The following EIF3A variants were observed in gnomAD, a reference collection of about 807,000 sequenced individuals.
The protein encoded by EIF3A is EIF3, p180 subunit.
A neutral mutation model predicts 186.6 loss-of-function variants in EIF3A; 21 were observed. The ratio of observed to expected loss-of-function variants is 0.11; its 90% confidence interval spans 0.08 to 0.16. The LOEUF is 0.16. Ranked by LOEUF, EIF3A falls within the 10% of genes least tolerant of loss-of-function variation. The probability of loss-of-function intolerance (pLI) is 1.00; values close to 1 mark genes in which losing one functional copy is unlikely to be tolerated. For synonymous variants in EIF3A, 563 were observed against 584.3 expected (o/e 0.96, Z 0.52); for missense variants, 1,306 against 1,796.3 (o/e 0.73, Z 4.93).
At chr10:119,054,553 TAA>T (rs747524825) in intron 14 of EIF3A, among the ~76,000 whole-genome samples, 31 of 125,582 alleles carry the variant, frequency 2.5e-4, no homozygotes, top group Admixed American at 3.2e-4. Context: ...CGTCTCTAAT[TAA>T]AAAAAAAAAA....
intron 1 of EIF3A, among the ~76,000 whole-genome samples, chr10:119,077,151 T>C (rs1029786920): frequency 2.0e-5 from 3 of 152,162 alleles, no homozygotes; most frequent in African/African-American, 4.8e-5. Flanking sequence ...CATTTTTCAC[T>C]TCCTGAACAG....
In EIF3A at chr10:119,042,387, C is replaced by A; in HGVS notation, c.3133G>T (p.Asp1045Tyr). The A allele has an allele frequency of 2.5e-6, 4 of 1,614,208 alleles. No individual in the cohort carries two copies. The highest frequency in any genetic ancestry group is 3.4e-6 in the Non-Finnish European group (4 of 1,180,038). The change falls in exon 19 of 22, where the codon GAC (aspartate) becomes TAC (tyrosine). Residue 1045 changes from aspartate (D) to tyrosine (Y), a missense_variant. Asp to Tyr is a radical substitution (Grantham distance 160). Transcript: ENST00000369144. This position sits in a 1 kb window ranked among gnomAD's most constrained non-coding sequence, Gnocchi z 7.8. The stretch of plus-strand genomic sequence containing the variant: ...GCGCCTCCTCGCCTCGGCCCCCGGT[C>A]ATCATCCATCCCACGTCTTGGTCCT... The part of the protein sequence containing the change: ...DRGPRRGMDD[D>Y]RGPRRGGADD...
intron 7 of EIF3A, among the ~76,000 whole-genome samples, chr10:119,061,878 C>G (rs1045616519): frequency 6.6e-6 from 1 of 152,076 alleles, no homozygotes. Flanking sequence ...TTCAATTTTA[C>G]CATGGAATAT....
chr10:119,038,733 G>T (rs1376378327), intron 19 of EIF3A, among the ~76,000 whole-genome samples: 2 of 152,090 alleles, frequency 1.3e-5, no homozygotes, highest in African/African-American at 4.8e-5. Context: ...AGACCAGCCT[G>T]GCCAACATGG....
intron 17 of EIF3A, among the ~76,000 whole-genome samples, chr10:119,049,410 C>T (rs977652627): frequency 1.3e-5 from 2 of 148,282 alleles, no homozygotes; most frequent in Admixed American, 6.9e-5. Flanking sequence ...ATGGCTTGAA[C>T]CTGGGAGGCA....
At chr10:119,072,808 G>T in intron 4 of EIF3A, 82 bp downstream of exon 4, 3 of 1,479,702 alleles carry the variant, frequency 2.0e-6, no homozygotes, top group South Asian at 1.3e-5. Context: ...ATAAAAACTA[G>T]TTCATTTTAA....
intron 14 of EIF3A, among the ~76,000 whole-genome samples, chr10:119,051,893 A>T (rs141719118): frequency 3.4e-3 from 525 of 152,330 alleles, no homozygotes; most frequent in African/African-American, 0.012. Flanking sequence ...AAAATACTTT[A>T]TTGCTAAAAA....
rs1455360863 is a variant in EIF3A, at chr10:119,042,383, C to T, written c.3137G>A (p.Arg1046Gln). 4 of 1,614,124 alleles carry T rather than the reference C, an allele frequency of 2.5e-6. No homozygotes were observed. Among genetic ancestry groups the T allele is most frequent in the South Asian group, 1.1e-5 (1 of 91,078 alleles). The change falls in exon 19 of 22, where the codon CGG (arginine) becomes CAG (glutamine). Residue 1046 changes from arginine to glutamine, a missense_variant. Physicochemically the swap from Arg to Gln is conservative, Grantham distance 43. Transcript: ENST00000369144. This position sits in a 1 kb window ranked among gnomAD's most constrained non-coding sequence, Gnocchi z 7.8. ...ATCAGCGCCTCCTCGCCTCGGCCCC[C>T]GGTCATCATCCATCCCACGTCTTGG... is the stretch of plus-strand genomic sequence containing the variant. ...RGPRRGMDDD[R>Q]GPRRGGADDE...
intron 6 of EIF3A, among the ~76,000 whole-genome samples, chr10:119,068,308 TTTA>T (rs1453461917): frequency 6.6e-6 from 1 of 152,232 alleles, no homozygotes. Flanking sequence ...TTCATATGTA[TTTA>T]TATGAGAATA....
rs375865596 is a variant in EIF3A, at chr10:119,063,124, G to A, written c.1123-1796C>T. Among the ~76,000 whole-genome samples the A allele has an allele frequency of 1.4e-4, 21 of 152,178 alleles. No homozygotes were observed. The South Asian group carries it at 3.9e-3, about 29-fold the overall frequency. On this transcript the variant is annotated intron_variant, in intron 7 of 21. Transcript: ENST00000369144. Reference sequence around the variant, plus strand: ...CACGTTTCTTCAGCTTTAAAAATTAGAAGCAAATTTTTTATTAGCAAATGT... The same window carrying A: ...CACGTTTCTTCAGCTTTAAAAATTAAAAGCAAATTTTTTATTAGCAAATGT...
intron 21 of EIF3A, among the ~76,000 whole-genome samples, chr10:119,036,829 C>T (rs1276852034): frequency 6.6e-6 from 1 of 152,182 alleles, no homozygotes; most frequent in Non-Finnish European, 1.5e-5. Flanking sequence ...TGTGCTTAAT[C>T]TGCCAGGAAG....
chr10:119,042,754 T>G lies in EIF3A; in HGVS notation c.2766A>C (p.Glu922Asp). ...GPPEKEWRRG[E>D]GRDEDRSHRR... ...TATGAGACCTGTCCTCATCTCGCCCTTCTCCACGTCTCCACTCCCTACACA... is the reference window on the plus strand; with the variant it reads ...TATGAGACCTGTCCTCATCTCGCCCGTCTCCACGTCTCCACTCCCTACACA... Residue 922 changes from glutamate to aspartate, a missense_variant, in exon 19 of 22, where the codon GAA (glutamate) becomes GAC (aspartate). This residue lies in a region of EIF3A where 410 missense variants were observed against 473.5 expected (regional missense o/e 0.87). Transcript: ENST00000369144. This position sits in a 1 kb window ranked among gnomAD's most constrained non-coding sequence, Gnocchi z 7.8. 6.2e-7 allele frequency: 1 copy of G among 1,606,724 alleles called. No individual in the cohort carries two copies. The highest frequency in any genetic ancestry group is 1.7e-4 in the Middle Eastern group (1 of 6,042).
chr10:119,063,699 C>A (rs1843925690), intron 7 of EIF3A, among the ~76,000 whole-genome samples: 1 of 152,222 alleles, frequency 6.6e-6, no homozygotes, highest in Non-Finnish European at 1.5e-5. Context: ...TAGAATACAA[C>A]TTCTGCCTTC....
intron 6 of EIF3A, among the ~76,000 whole-genome samples, chr10:119,068,716 C>T (rs1047408662): frequency 2.0e-4 from 30 of 151,898 alleles, no homozygotes; most frequent in African/African-American, 7.0e-4. Context: ...TGGCTCACTC[C>T]TGTAATCCCA....
intron 6 of EIF3A, among the ~76,000 whole-genome samples, chr10:119,066,094 C>CA (rs1843973197): frequency 6.9e-6 from 1 of 145,540 alleles, no homozygotes; most frequent in Non-Finnish European, 1.5e-5. Context: ...CCAGCCTGGG[C>CA]GACAGAGCCA....
intron 6 of EIF3A, among the ~76,000 whole-genome samples, chr10:119,067,172 C>CAGCGA (rs1195822290): frequency 2.0e-5 from 3 of 151,664 alleles, no homozygotes; most frequent in African/African-American, 7.3e-5. Context: ...GCCAAGACTG[C>CAGCGA]GCCATTGCAC....
In EIF3A at chr10:119,060,478, C is replaced by T. The variant is rs187573727; in HGVS notation, c.1326+268G>A. On this transcript the variant is annotated intron_variant, in intron 9 of 21. Transcript: ENST00000369144. Reference sequence around the variant, plus strand: ...CATCAAGAGAGTCTGAATAAATACACCACAGTACCTTAAATGGAATAAGGT... The same window carrying T: ...CATCAAGAGAGTCTGAATAAATACATCACAGTACCTTAAATGGAATAAGGT... Among the ~76,000 whole-genome samples the T allele has an allele frequency of 2.2e-3, 336 of 152,174 alleles. 2 individuals are homozygous for T. The highest frequency in any genetic ancestry group is 7.7e-3 in the African/African-American group (320 of 41,532).
chr10:119,072,750 C>G (rs1328753347), intron 4 of EIF3A, 140 bp downstream of exon 4: 1 of 1,031,568 alleles, frequency 9.7e-7, no homozygotes, highest in African/African-American at 1.6e-5. Flanking sequence ...CCACCACATC[C>G]GGCCGCAGTC....
intron 14 of EIF3A, among the ~76,000 whole-genome samples, chr10:119,052,519 C>A (rs1848373126): frequency 6.6e-6 from 1 of 151,996 alleles, no homozygotes; most frequent in Non-Finnish European, 1.5e-5. Flanking sequence ...GAACTGCAGG[C>A]ACACTCCACC....
Sources: gnomAD v4.1 joint callset for allele counts (sites outside exome capture counted in the v4.1 genomes callset) on GRCh38, gnomAD v4.1.1 for gene constraint, gnomAD v4.1.1 regional missense constraint, Gnocchi (gnomAD v3.1) non-coding constraint, MANE v1.5 for transcripts, NCBI Gene and HGNC (gene_info 2026-07-23, HGNC 2026-07-21) for gene names.